ANTXR2: variants seen among roughly 807,000 people sequenced by gnomAD.
The protein encoded by ANTXR2 is ANTXR cell adhesion molecule 2.
ANTXR2 carries 44 observed loss-of-function variants against 73.7 expected under a neutral mutation model. That is an observed-to-expected ratio of 0.60 (90% CI 0.47 to 0.77). The LOEUF is 0.77. ANTXR2 is among the 30% of genes least tolerant of loss of function. The pLI is 0.00. For synonymous variants in ANTXR2, 217 were observed against 205.9 expected (o/e 1.05, Z -0.46); for missense variants, 604 against 592.5 (o/e 1.02, Z -0.20).
At chr4:79,928,380 A>G (rs1727909586) in intron 16 of ANTXR2, among the ~76,000 whole-genome samples, 1 of 152,184 alleles carries the variant, frequency 6.6e-6, no homozygotes, top group African/African-American at 2.4e-5. Context: ...ATTATTGTTT[A>G]ATGGGTAGGG....
At chr4:80,005,284 T>A (rs1443358086) in intron 12 of ANTXR2, among the ~76,000 whole-genome samples, 2 of 152,088 alleles carry the variant, frequency 1.3e-5, no homozygotes, top group East Asian at 3.9e-4. Flanking sequence ...CATGTTTCAG[T>A]TGAAAGATTA....
At chr4:79,965,273 G>A (rs1729320173) in intron 16 of ANTXR2, among the ~76,000 whole-genome samples, 3 of 152,178 alleles carry the variant, frequency 2.0e-5, no homozygotes, top group Admixed American at 2.0e-4. Context: ...TGTTTTCCTA[G>A]GTAGAAAACA....
At chr4:79,998,094 T>C (rs542682166) in intron 12 of ANTXR2, among the ~76,000 whole-genome samples, 45 of 152,088 alleles carry the variant, frequency 3.0e-4, no homozygotes, top group African/African-American at 1.1e-3. Flanking sequence ...ATGTACAGCA[T>C]TATTACTATT....
intron 12 of ANTXR2, among the ~76,000 whole-genome samples, chr4:79,991,575 C>T (rs1440767595): frequency 6.6e-6 from 1 of 152,086 alleles, no homozygotes; most frequent in Non-Finnish European, 1.5e-5. Context: ...AGCAGAACTA[C>T]ATTTAATCCA....
chr4:80,036,067 T>C (rs540779077), intron 7 of ANTXR2, 35 bp from the exon 8 acceptor site: 17 of 1,441,370 alleles, frequency 1.2e-5, no homozygotes, highest in Non-Finnish European at 1.6e-5. Context: ...TACCAAGCTA[T>C]AGATCTAAAA....
At chr4:80,019,595 C>T (rs1183292779) in intron 10 of ANTXR2, among the ~76,000 whole-genome samples, 3 of 152,112 alleles carry the variant, frequency 2.0e-5, no homozygotes, top group East Asian at 1.9e-4. Flanking sequence ...AGCTTTAGAT[C>T]CCATTTAGCC....
At position 79,905,471 on chromosome 4, in the gene ANTXR2, A is replaced by T. The variant is rs533472774; in HGVS notation, c.*1958T>A. On this transcript the variant is annotated 3_prime_UTR_variant, in exon 17 of 17. Coordinates refer to ENST00000403729, the MANE Select transcript of ANTXR2 (RefSeq NM_058172.6). ...TCTGTGAACATGAGGGACATTTTGGAACTGAATAGAATTCCATCCCTGAAA... is the reference window on the plus strand; with the variant it reads ...TCTGTGAACATGAGGGACATTTTGGTACTGAATAGAATTCCATCCCTGAAA... The T allele has an allele frequency of 6.6e-6, 1 of 152,292 alleles. No homozygotes were observed. Among genetic ancestry groups the T allele is most frequent in the South Asian group, 2.1e-4 (1 of 4,824 alleles). 9.4% of individuals were successfully genotyped at this position (152,292 alleles called of 1,614,324 possible). A position where few individuals can be genotyped will look rare whatever the true frequency, so the allele number is the denominator to read the frequency against.
At chr4:79,915,492 A>C (rs796227601) in intron 16 of ANTXR2, among the ~76,000 whole-genome samples, 2 of 152,276 alleles carry the variant, frequency 1.3e-5, no homozygotes, top group South Asian at 4.1e-4. Flanking sequence ...ATCCATTGAC[A>C]AGCTGAAGCA....
At chr4:80,014,121 G>A (rs565536253) in intron 11 of ANTXR2, among the ~76,000 whole-genome samples, 6 of 151,946 alleles carry the variant, frequency 3.9e-5, no homozygotes, top group Admixed American at 6.6e-5. Context: ...GTCTTCCCAC[G>A]TCTTAAGCAG....
chr4:80,060,349 C>T (rs764801749), intron 3 of ANTXR2, among the ~76,000 whole-genome samples: 11 of 152,262 alleles, frequency 7.2e-5, no homozygotes, highest in East Asian at 3.9e-4. Context: ...TATTCTAATG[C>T]GCTGCCAGGA....
At chr4:79,990,451 A>T (rs1730415905) in intron 12 of ANTXR2, among the ~76,000 whole-genome samples, 1 of 151,642 alleles carries the variant, frequency 6.6e-6, no homozygotes, top group African/African-American at 2.4e-5. Context: ...GTGCAATGAG[A>T]ATTACCAAAC....
At chr4:79,987,210 G>A (rs974923754) in intron 12 of ANTXR2, among the ~76,000 whole-genome samples, 12 of 150,300 alleles carry the variant, frequency 8.0e-5, no homozygotes, top group Non-Finnish European at 1.5e-4. Flanking sequence ...GGAGAAGGTT[G>A]AAACCCAATC....
At chr4:79,946,253 A>G (rs1316602775) in intron 16 of ANTXR2, among the ~76,000 whole-genome samples, 1 of 152,186 alleles carries the variant, frequency 6.6e-6, no homozygotes, top group Non-Finnish European at 1.5e-5. Context: ...CAAGATAGTA[A>G]CATGGGTTAC....
chr4:80,004,397 C>T (rs1318328394), intron 12 of ANTXR2, among the ~76,000 whole-genome samples: 1 of 150,894 alleles, frequency 6.6e-6, no homozygotes, highest in Non-Finnish European at 1.5e-5. Flanking sequence ...GTCTTAAAAC[C>T]ACAGAAACTT....
At chr4:80,026,795 T>A (rs947577058) in intron 10 of ANTXR2, among the ~76,000 whole-genome samples, 1 of 152,176 alleles carries the variant, frequency 6.6e-6, no homozygotes, top group African/African-American at 2.4e-5. Flanking sequence ...GAATAGTATT[T>A]TTTTCAGTAT....
intron 7 of ANTXR2, among the ~76,000 whole-genome samples, chr4:80,049,732 T>C (rs1480382267): frequency 6.6e-6 from 1 of 151,776 alleles, no homozygotes; most frequent in Non-Finnish European, 1.5e-5. Context: ...AATGCCCAAG[T>C]TACTTTTGAC....
At chr4:80,033,991 G>A (rs1578173175) in intron 8 of ANTXR2, among the ~76,000 whole-genome samples, 1 of 151,986 alleles carries the variant, frequency 6.6e-6, no homozygotes, top group African/African-American at 2.4e-5. Flanking sequence ...AATTATGTAC[G>A]TTTTTTAGTT....
chr4:79,915,575 G>C (rs941570886), intron 16 of ANTXR2, among the ~76,000 whole-genome samples: 3 of 151,964 alleles, frequency 2.0e-5, no homozygotes, highest in Non-Finnish European at 2.9e-5. Flanking sequence ...CTAAAAAAAG[G>C]TTACTAAACC....
rs558031189 is a variant in ANTXR2 at position 79,982,485 on chromosome 4, G to A, written c.1179+1393C>T. On this transcript the variant is annotated intron_variant, in intron 14 of 16. Coordinates refer to ENST00000403729, the MANE Select transcript of ANTXR2 (RefSeq NM_058172.6). The stretch of plus-strand genomic sequence containing the variant: ...GATTGTAACACTTTTATTTCGAAGT[G>A]TATGTTTTATACATATAGGAACATC... Among the ~76,000 whole-genome samples, 21 of 152,214 alleles carry A rather than the reference G, an allele frequency of 1.4e-4. 1 individual carries two copies. The East Asian group carries it at 3.9e-3, about 28-fold the overall frequency.
Sources: allele counts gnomAD v4.1 joint callset (sites outside exome capture counted in the v4.1 genomes callset), GRCh38; gene constraint gnomAD v4.1.1; transcripts MANE v1.5; gene names NCBI Gene and HGNC (gene_info 2026-07-23, HGNC 2026-07-21).